Variants in OR10G8 observed in about 807,000 individuals in gnomAD.
OR10G8 encodes the protein olfactory receptor family 10 subfamily G member 8.
For missense variants in OR10G8, 386 were observed against 384.9 expected (o/e 1.00, Z -0.02); for synonymous variants, 173 against 163.2 (o/e 1.06, Z -0.46).
Position 124,029,904 on chromosome 11 carries a change from C to T in OR10G8, c.282C>T (p.His94=), listed in dbSNP as rs946763773. 3.1e-6 allele frequency: 5 copies of T among 1,614,200 alleles called. No individual in the cohort carries two copies. Among genetic ancestry groups the T allele is most frequent in the East Asian group, 4.5e-5 (2 of 44,874 alleles). The change falls in exon 2 of 2, where the codon CAC becomes CAT. Residue 94 remains histidine (H), a synonymous_variant. Transcript: ENST00000641224. ...VFPSGRAISF[H]SCMAQLYFFH... ...CAAGTGGCAGGGCTATCTCCTTCCA[C>T]AGCTGCATGGCTCAGCTCTATTTCT...
At chr11:124,029,406 C>T (rs1194915247) in intron 1 of OR10G8, among the ~76,000 whole-genome samples, 190 bp from the exon 2 acceptor site, 1 of 152,108 alleles carries the variant, frequency 6.6e-6, no homozygotes, top group Admixed American at 6.6e-5. Flanking sequence ...GCATATGTCT[C>T]TGTGTGTGTG....
Position 124,030,371 on chromosome 11 carries a change from T to C in OR10G8, c.749T>C (p.Phe250Ser). 6.2e-7 allele frequency: 1 copy of C among 1,614,176 alleles called. No individual in the cohort carries two copies. Among genetic ancestry groups the C allele is most frequent in the Non-Finnish European group, 8.5e-7 (1 of 1,180,026 alleles). The change falls in exon 2 of 2, where the codon TTC becomes TCC. Residue 250 changes from phenylalanine (F) to serine (S), a missense_variant. Phe to Ser is a radical substitution (Grantham distance 155, BLOSUM62 -2). Coordinates refer to ENST00000641224, the MANE Select transcript of OR10G8 (RefSeq NM_001004464.2). The part of the protein sequence containing the change: ...CASHCIVVLC[F>S]FGPGLFIYLR... ...TCCCACTGTATCGTGGTCCTTTGCTTCTTTGGCCCTGGTCTTTTCATTTAC... is the reference window on the plus strand; with the variant it reads ...TCCCACTGTATCGTGGTCCTTTGCTCCTTTGGCCCTGGTCTTTTCATTTAC...
At chr11:124,028,254 G>T (rs1038245945) in intron 1 of OR10G8, among the ~76,000 whole-genome samples, 3 of 152,190 alleles carry the variant, frequency 2.0e-5, no homozygotes, top group African/African-American at 7.2e-5. Flanking sequence ...AACCACATAG[G>T]AAGTGTTCTA....
intron 1 of OR10G8, among the ~76,000 whole-genome samples, chr11:124,029,232 G>A (rs954723612): frequency 6.6e-6 from 1 of 152,090 alleles, no homozygotes; most frequent in Non-Finnish European, 1.5e-5. Flanking sequence ...GCAGGCCTTG[G>A]TGATATGTTG....
In OR10G8 at chr11:124,030,420, T is replaced by C. The variant is rs1204536262; in HGVS notation, c.798T>C (p.Ala266=). The C allele has an allele frequency of 3.1e-6, 5 of 1,614,230 alleles. No individual in the cohort carries two copies. Among genetic ancestry groups the C allele is most frequent in the African/African-American group, 1.3e-5 (1 of 75,072 alleles). Residue 266 remains alanine, a synonymous_variant, in exon 2 of 2, where the codon GCT becomes GCC. Coordinates refer to ENST00000641224, the MANE Select transcript of OR10G8 (RefSeq NM_001004464.2). ...FIYLRPGSRK[A]VDGVVAVFYT... is the part of the protein sequence containing the mutation. ...ACCTGAGGCCAGGCTCCAGGAAAGC[T>C]GTGGATGGAGTTGTGGCCGTTTTCT... is the stretch of plus-strand genomic sequence containing the variant.
chr11:124,027,530 G>A (rs991251745), intron 1 of OR10G8, among the ~76,000 whole-genome samples: 1 of 152,104 alleles, frequency 6.6e-6, no homozygotes, highest in African/African-American at 2.4e-5. Context: ...TTAGGTCTCA[G>A]GCTACCTTGG....
chr11:124,026,934 G>C (rs1864112649), intron 1 of OR10G8, 67 bp downstream of exon 1: 2 of 152,200 alleles, frequency 1.3e-5, no homozygotes, highest in Non-Finnish European at 2.9e-5. Flanking sequence ...CTCATCTCAG[G>C]AGGCTAAATA....
chr11:124,030,476 T>C lies in OR10G8; in HGVS notation c.854T>C (p.Val285Ala), dbSNP rs771603064. The change falls in exon 2 of 2, where the codon GTT becomes GCT. Residue 285 changes from valine (V) to alanine (A), a missense_variant. Physicochemically the swap from Val to Ala is moderately conservative, Grantham distance 64 (BLOSUM62 0). Coordinates refer to ENST00000641224, the MANE Select transcript of OR10G8 (RefSeq NM_001004464.2). ...YTVLTPLLNP[V>A]VYTLRNKEVK... ...GTGCTGACGCCCCTTCTCAACCCTG[T>C]TGTGTACACCCTGAGGAACAAGGAG... is the stretch of plus-strand genomic sequence containing the variant. 5.0e-6 allele frequency: 8 copies of C among 1,614,000 alleles called. No homozygotes were observed. The African/African-American group carries it at 8.0e-5, about 16-fold the overall frequency.
Position 124,030,165 on chromosome 11 carries a change from G to A in OR10G8, c.543G>A (p.Pro181=), listed in dbSNP as rs761269741. ...NWIQHYLCDA[P]PILKLACADT... ...TCCAGCACTATTTGTGTGATGCACCGCCCATCCTGAAACTGGCCTGTGCAG... is the reference window on the plus strand; with the variant it reads ...TCCAGCACTATTTGTGTGATGCACCACCCATCCTGAAACTGGCCTGTGCAG... The change falls in exon 2 of 2, where the codon CCG becomes CCA. Residue 181 remains proline (P), a synonymous_variant. Coordinates refer to ENST00000641224, the MANE Select transcript of OR10G8 (RefSeq NM_001004464.2). The A allele has an allele frequency of 5.6e-6, 9 of 1,613,880 alleles. No homozygotes were observed. Among genetic ancestry groups the A allele is most frequent in the South Asian group, 1.1e-5 (1 of 91,084 alleles).
chr11:124,029,320 T>C (rs914951472), intron 1 of OR10G8, among the ~76,000 whole-genome samples: 3 of 152,092 alleles, frequency 2.0e-5, no homozygotes, highest in African/African-American at 7.2e-5. Flanking sequence ...AATTTGCATG[T>C]TTTAAGCCAG....
At chr11:124,029,164 G>A (rs898101492) in intron 1 of OR10G8, among the ~76,000 whole-genome samples, 2 of 152,090 alleles carry the variant, frequency 1.3e-5, no homozygotes, top group Admixed American at 1.3e-4. Flanking sequence ...GCAAGGAACC[G>A]AATCGTGCCA....
chr11:124,029,576 G>T lies in OR10G8; in HGVS notation c.-27-20G>T, dbSNP rs1482525370. On this transcript the variant is annotated intron_variant, in intron 1 of 1. Transcript: ENST00000641224. Reference sequence around the variant, plus strand: ...TTTCTCAATTAAGTGCTAAATGCTGGGTGCTCTTTATATTCCCAGAGGGAG... The same window carrying T: ...TTTCTCAATTAAGTGCTAAATGCTGTGTGCTCTTTATATTCCCAGAGGGAG... The T allele has an allele frequency of 1.3e-6, 2 of 1,572,968 alleles. No homozygotes were observed. The highest frequency in any genetic ancestry group is 2.3e-5 in the South Asian group (2 of 86,184).
intron 1 of OR10G8, among the ~76,000 whole-genome samples, chr11:124,027,469 G>C (rs533424512): frequency 6.6e-5 from 10 of 152,196 alleles, no homozygotes; most frequent in Non-Finnish European, 1.5e-4. Context: ...GTATACTTCT[G>C]TATGTTAATA....
At position 124,030,100 on chromosome 11, in the gene OR10G8, A is replaced by G; in HGVS notation, c.478A>G (p.Ile160Val). 2.5e-6 allele frequency: 4 copies of G among 1,614,006 alleles called. No homozygotes were observed. The highest frequency in any genetic ancestry group is 3.4e-6 in the Non-Finnish European group (4 of 1,179,922). The change falls in exon 2 of 2, where the codon ATA becomes GTA. Residue 160 changes from isoleucine to valine, a missense_variant. Coordinates refer to ENST00000641224, the MANE Select transcript of OR10G8 (RefSeq NM_001004464.2). ...SGSLHSAVQA[I>V]LTFHLPYCGP... is the part of the protein sequence containing the mutation. ...CTCTCTGCACTCTGCTGTCCAGGCC[A>G]TATTGACTTTCCATTTGCCCTACTG...
intron 1 of OR10G8, among the ~76,000 whole-genome samples, chr11:124,029,105 G>A (rs914505238): frequency 6.6e-6 from 1 of 152,068 alleles, no homozygotes; most frequent in Non-Finnish European, 1.5e-5. Flanking sequence ...TGAGAGTTAC[G>A]TGTCCTGCCA....
rs752887893 is a variant in OR10G8, at chr11:124,029,692, C to T, written c.70C>T (p.Pro24Ser). The change falls in exon 2 of 2, where the codon CCC becomes TCC. Residue 24 changes from proline to serine, a missense_variant. Pro to Ser is a moderately conservative substitution (Grantham distance 74). Transcript: ENST00000641224. ...TCCCCATGCCCCAGCGCTGGACGCC[C>T]CCCTCTTTGGAGTCTTCCTGGTGGT... ...GLPHAPALDA[P>S]LFGVFLVVYV... is the part of the protein sequence containing the mutation. The T allele has an allele frequency of 4.3e-6, 7 of 1,613,818 alleles. No homozygotes were observed. Among genetic ancestry groups the T allele is most frequent in the African/African-American group, 2.7e-5 (2 of 74,910 alleles).
At chr11:124,027,444 A>G (rs1333254994) in intron 1 of OR10G8, among the ~76,000 whole-genome samples, 2 of 152,244 alleles carry the variant, frequency 1.3e-5, no homozygotes, top group Non-Finnish European at 2.9e-5. Context: ...ATACTAATAG[A>G]GACAAAGTTG....
At chr11:124,029,565 G>A (rs1864134524) in intron 1 of OR10G8, 31 bp from the exon 2 acceptor site, 10 of 1,543,020 alleles carry the variant, frequency 6.5e-6, no homozygotes, top group East Asian at 2.3e-5. Flanking sequence ...TCAATTAAGT[G>A]CTAAATGCTG....
chr11:124,027,406 C>CATAG (rs1004173454), intron 1 of OR10G8, among the ~76,000 whole-genome samples: 1 of 152,092 alleles, frequency 6.6e-6, no homozygotes, highest in Non-Finnish European at 1.5e-5. Flanking sequence ...CAGTTAGATA[C>CATAG]ATAGATAGAT....
Sources: allele counts gnomAD v4.1 joint callset (sites outside exome capture counted in the v4.1 genomes callset), GRCh38; gene constraint gnomAD v4.1.1; transcripts MANE v1.5; gene names NCBI Gene and HGNC (gene_info 2026-07-23, HGNC 2026-07-21).